NELL2: variants seen among roughly 807,000 people sequenced by gnomAD.
NELL2 encodes the protein protein kinase C-binding protein NELL2.
NELL2 carries 41 observed loss-of-function variants against 109.6 expected under a neutral mutation model. That is an observed-to-expected ratio of 0.37 (90% confidence interval 0.29 to 0.49). The LOEUF (loss-of-function observed/expected upper bound fraction) is 0.49, where lower values mean the gene tolerates loss of function less well. Among genes scored for constraint, NELL2 ranks in the 20% least tolerant of loss-of-function variants. The pLI, the probability that NELL2 is intolerant of heterozygous loss-of-function variation, is 0.98. For synonymous variants in NELL2, 355 were observed against 344.7 expected, an observed-to-expected ratio of 1.03 and a Z score of -0.33; for missense variants, 900 against 1,008.3, an observed-to-expected ratio of 0.89 and a Z score of 1.45.
chr12:44,799,594 T>C (rs1942761046), intron 3 of NELL2, among the ~76,000 whole-genome samples: 1 of 152,120 alleles, frequency 6.6e-6, no homozygotes, highest in Non-Finnish European at 1.5e-5. Flanking sequence ...TCTTCTAATG[T>C]CCGAAATGGT....
At chr12:44,820,852 C>G (rs1487251116) in intron 2 of NELL2, among the ~76,000 whole-genome samples, 4 of 152,038 alleles carry the variant, frequency 2.6e-5, no homozygotes, top group Non-Finnish European at 4.4e-5. Flanking sequence ...AGAATGCTAG[C>G]ACTCCAGAAT....
chr12:44,742,258 T>C (rs1410080005), intron 9 of NELL2, among the ~76,000 whole-genome samples: 1 of 152,106 alleles, frequency 6.6e-6, no homozygotes, highest in East Asian at 1.9e-4. Flanking sequence ...TCCTCTCTGT[T>C]GGAAGGAAAA....
chr12:44,601,494 T>A (rs1051406533), intron 15 of NELL2, among the ~76,000 whole-genome samples: 2 of 152,188 alleles, frequency 1.3e-5, no homozygotes, highest in Middle Eastern at 3.2e-3. Context: ...TAAACCACTA[T>A]AGTACAGTAA....
At chr12:44,514,145 A>G (rs1941141959) in intron 19 of NELL2, among the ~76,000 whole-genome samples, 1 of 151,968 alleles carries the variant, frequency 6.6e-6, no homozygotes, top group Admixed American at 6.6e-5. Flanking sequence ...TCTGGAAACA[A>G]ATCTGTCAAT....
intron 15 of NELL2, among the ~76,000 whole-genome samples, chr12:44,606,191 C>T (rs906095170): frequency 6.6e-6 from 1 of 152,116 alleles, no homozygotes; most frequent in African/African-American, 2.4e-5. Flanking sequence ...GAGCATCCTT[C>T]TGTGCACAGT....
intron 3 of NELL2, among the ~76,000 whole-genome samples, chr12:44,808,235 A>G (rs1264834379): frequency 6.6e-6 from 1 of 151,962 alleles, no homozygotes; most frequent in Non-Finnish European, 1.5e-5. Context: ...GAAACGGGGG[A>G]TGTGTGCTCT....
chr12:44,515,828 G>C (rs1488084923), intron 19 of NELL2, among the ~76,000 whole-genome samples: 1 of 151,866 alleles, frequency 6.6e-6, no homozygotes, highest in Non-Finnish European at 1.5e-5. Context: ...GCTAACCTTT[G>C]AAAATCAAGA....
At chr12:44,850,403 T>C (rs1944499797) in intron 2 of NELL2, among the ~76,000 whole-genome samples, 1 of 152,134 alleles carries the variant, frequency 6.6e-6, no homozygotes, top group Non-Finnish European at 1.5e-5. Context: ...CACTTATTAG[T>C]AATTTTTCTT....
At chr12:44,819,471 G>C (rs1046132662) in intron 2 of NELL2, among the ~76,000 whole-genome samples, 4 of 152,176 alleles carry the variant, frequency 2.6e-5, no homozygotes, top group African/African-American at 7.2e-5. Context: ...TGCGCTATTA[G>C]TGTTTGCACT....
chr12:44,539,457 T>C (rs530463303), intron 15 of NELL2, among the ~76,000 whole-genome samples: 1 of 152,286 alleles, frequency 6.6e-6, no homozygotes, highest in South Asian at 2.1e-4. Flanking sequence ...TTTTAATCAA[T>C]ACATATGATA....
At chr12:44,558,857 C>A (rs1943358291) in intron 15 of NELL2, among the ~76,000 whole-genome samples, 1 of 152,094 alleles carries the variant, frequency 6.6e-6, no homozygotes, top group Admixed American at 6.5e-5. Flanking sequence ...GGGCTGAAGC[C>A]AGGGAGCCAA....
intron 15 of NELL2, among the ~76,000 whole-genome samples, chr12:44,572,086 C>CCCAT (rs755966555): frequency 2.6e-5 from 4 of 152,036 alleles, no homozygotes; most frequent in Non-Finnish European, 5.9e-5. Flanking sequence ...TATTCCATGG[C>CCCAT]CCATCATTAC....
chr12:44,661,385 C>T (rs1947738625), intron 13 of NELL2, among the ~76,000 whole-genome samples: 1 of 152,188 alleles, frequency 6.6e-6, no homozygotes, highest in South Asian at 2.1e-4. Context: ...ACTTCCACTC[C>T]TGCTCTGAAA....
chr12:44,816,064 T>A lies in NELL2; in HGVS notation c.257A>T (p.Glu86Val). Residue 86 changes from glutamate (E) to valine (V), a missense_variant, in exon 3 of 20, where the codon GAA becomes GTA. Transcript: ENST00000429094. ...TTTTAGGGTCACCAAAATAGTAAAT[T>A]CATGTTTATTTCTCAGCTTCTGAAA... ...QFFQKLRNKH[E>V]FTILVTLKQT... The A allele has an allele frequency of 6.2e-7, 1 of 1,613,800 alleles. No individual in the cohort carries two copies. The highest frequency in any genetic ancestry group is 8.5e-7 in the Non-Finnish European group (1 of 1,179,880).
intron 3 of NELL2, among the ~76,000 whole-genome samples, chr12:44,815,423 A>G (rs112151651): frequency 0.011 from 1,616 of 152,370 alleles, 22 homozygotes; most frequent in African/African-American, 0.036. Flanking sequence ...ACTATTCACA[A>G]ATTAAGAAGT....
chr12:44,692,179 A>C (rs566726233), intron 12 of NELL2, among the ~76,000 whole-genome samples: 1 of 152,188 alleles, frequency 6.6e-6, no homozygotes, highest in African/African-American at 2.4e-5. Flanking sequence ...GGTGACGTTA[A>C]GTTGAAGCCA....
intron 2 of NELL2, among the ~76,000 whole-genome samples, chr12:44,833,914 G>A (rs1363792915): frequency 6.6e-6 from 1 of 152,148 alleles, no homozygotes; most frequent in African/African-American, 2.4e-5. Context: ...GTATCGGAGT[G>A]GAGTTTAAAA....
At chr12:44,557,813 C>T (rs999811274) in intron 15 of NELL2, among the ~76,000 whole-genome samples, 7 of 151,902 alleles carry the variant, frequency 4.6e-5, no homozygotes, top group African/African-American at 1.7e-4. Context: ...CGAGAGAAAA[C>T]AAGACTGAAA....
intron 11 of NELL2, among the ~76,000 whole-genome samples, chr12:44,707,182 T>A (rs543444156): frequency 6.6e-6 from 1 of 152,104 alleles, no homozygotes; most frequent in Admixed American, 6.6e-5. Context: ...CAGGATAGAG[T>A]CACACCAGCC....
Sources: allele counts gnomAD v4.1 joint callset (sites outside exome capture counted in the v4.1 genomes callset), GRCh38; gene constraint gnomAD v4.1.1; transcripts MANE v1.5; gene names NCBI Gene and HGNC (gene_info 2026-07-23, HGNC 2026-07-21).